Variants in RNF152 observed in about 807,000 individuals in gnomAD.
The protein encoded by RNF152 is ring finger protein 152, also known as E3 ubiquitin-protein ligase RNF152.
A neutral mutation model predicts 12.7 loss-of-function variants in RNF152; 11 were observed. The observed-to-expected ratio is 0.86, with a 90% CI of 0.54 to 1.43. The LOEUF is 1.43. RNF152 is among the 40% of genes most tolerant of loss of function. RNF152 has a pLI of 0.00. For synonymous variants in RNF152, 113 were observed against 120.3 expected, an observed-to-expected ratio of 0.94 and a Z score of 0.40; for missense variants, 255 against 274.8, an observed-to-expected ratio of 0.93 and a Z score of 0.51.
At chr18:61,863,633 T>C (rs1355435169) in intron 1 of RNF152, among the ~76,000 whole-genome samples, 2 of 152,180 alleles carry the variant, frequency 1.3e-5, no homozygotes, top group African/African-American at 4.8e-5. Flanking sequence ...TTTGTGCTTC[T>C]CAATCTTCAA....
At chr18:61,869,543 T>A (rs1203017185) in intron 1 of RNF152, among the ~76,000 whole-genome samples, 3 of 152,196 alleles carry the variant, frequency 2.0e-5, no homozygotes, top group Admixed American at 6.5e-5. Flanking sequence ...TTTGTGTTAT[T>A]TCCATTTGTT....
At chr18:61,841,354 C>G (rs1458787751) in intron 1 of RNF152, among the ~76,000 whole-genome samples, 1 of 152,136 alleles carries the variant, frequency 6.6e-6, no homozygotes, top group East Asian at 1.9e-4. Context: ...CACAAGGAAC[C>G]AATATTCATG....
chr18:61,816,400 G>A lies in RNF152; in HGVS notation c.64C>T (p.Arg22Trp), dbSNP rs767426822. 82 of 1,613,654 alleles carry A rather than the reference G, an allele frequency of 5.1e-5. No individual in the cohort carries two copies. The highest frequency in any genetic ancestry group is 1.6e-4 in the Middle Eastern group (1 of 6,080). The change falls in exon 2 of 2, where the codon CGG (arginine) becomes TGG (tryptophan). Residue 22 changes from arginine to tryptophan, a missense_variant. Transcript: ENST00000312828. ...CQICFNYYSP[R>W]RRPKLLDCKH... ...CAGTCCAGCAACTTGGGCCTGCGCC[G>A]GGGGCTGTAGTAATTGAAACAGATC...
At chr18:61,864,238 C>G (rs1026803033) in intron 1 of RNF152, among the ~76,000 whole-genome samples, 2 of 152,140 alleles carry the variant, frequency 1.3e-5, no homozygotes, top group Non-Finnish European at 2.9e-5. Flanking sequence ...AGCATAAGTC[C>G]CAGGCCTCCT....
At chr18:61,841,798 T>C (rs560420990) in intron 1 of RNF152, among the ~76,000 whole-genome samples, 1 of 152,214 alleles carries the variant, frequency 6.6e-6, no homozygotes, top group African/African-American at 2.4e-5. Context: ...AAATCACTAA[T>C]CCTGCTTTCA....
At chr18:61,817,545 C>T (rs901106557) in intron 1 of RNF152, among the ~76,000 whole-genome samples, 6 of 152,036 alleles carry the variant, frequency 3.9e-5, no homozygotes, top group East Asian at 3.9e-4. Context: ...CCCTGTATAC[C>T]GAGGGCCATC....
intron 1 of RNF152, among the ~76,000 whole-genome samples, chr18:61,872,851 C>G (rs922796121): frequency 2.6e-5 from 4 of 152,134 alleles, no homozygotes; most frequent in Non-Finnish European, 4.4e-5. Flanking sequence ...AATTAAAACT[C>G]TAAAATTTTT....
chr18:61,850,249 G>A (rs962607217), intron 1 of RNF152, among the ~76,000 whole-genome samples: 2 of 152,184 alleles, frequency 1.3e-5, no homozygotes, highest in African/African-American at 2.4e-5. Context: ...AAGAAAGCAC[G>A]ACCTCATACA....
chr18:61,879,435 G>A (rs1390364219), intron 1 of RNF152, among the ~76,000 whole-genome samples: 1 of 152,090 alleles, frequency 6.6e-6, no homozygotes, highest in Non-Finnish European at 1.5e-5. Flanking sequence ...GTTTCTAAGG[G>A]GGTTCCTGGA....
chr18:61,865,375 T>C (rs894182361), intron 1 of RNF152, among the ~76,000 whole-genome samples: 13 of 152,228 alleles, frequency 8.5e-5, no homozygotes, highest in Non-Finnish European at 4.4e-5. Context: ...GGTTTCATAA[T>C]GTTTAATTCA....
At chr18:61,833,078 T>C (rs1910025112) in intron 1 of RNF152, among the ~76,000 whole-genome samples, 1 of 152,248 alleles carries the variant, frequency 6.6e-6, no homozygotes, top group Non-Finnish European at 1.5e-5. Flanking sequence ...TCCTCAGCTG[T>C]ATCTACTAAA....
chr18:61,872,685 C>T (rs894967959), intron 1 of RNF152, among the ~76,000 whole-genome samples: 1 of 152,148 alleles, frequency 6.6e-6, no homozygotes, highest in African/African-American at 2.4e-5. Flanking sequence ...TCATTATTCT[C>T]TTCTTCCACA....
At chr18:61,850,123 AAAGACACGAGTCTGGAATCAAATGG>A (rs1350002119) in intron 1 of RNF152, among the ~76,000 whole-genome samples, 1 of 152,250 alleles carries the variant, frequency 6.6e-6, no homozygotes, top group East Asian at 1.9e-4. Flanking sequence ...GTAGTGTTGA[AAAGACACGAGTCTGGAATCAAATGG>A]AAGACCTTCC....
At chr18:61,837,494 GA>G (rs1340026843) in intron 1 of RNF152, among the ~76,000 whole-genome samples, 1 of 152,190 alleles carries the variant, frequency 6.6e-6, no homozygotes, top group African/African-American at 2.4e-5. Context: ...CTGCCAATAA[GA>G]TGAAATGTTA....
chr18:61,878,900 A>T (rs1912331731), intron 1 of RNF152, among the ~76,000 whole-genome samples: 1 of 152,214 alleles, frequency 6.6e-6, no homozygotes, highest in African/African-American at 2.4e-5. Context: ...CATACATTCA[A>T]ATGATAGCAG....
rs956697441 is a variant in RNF152 at position 61,815,603 on chromosome 18, T to C, written c.*249A>G. 4.0e-6 allele frequency: 2 copies of C among 501,488 alleles called. No homozygotes were observed. The highest frequency in any genetic ancestry group is 1.9e-5 in the African/African-American group (1 of 52,374). 31.1% of individuals were successfully genotyped at this position (501,488 alleles called of 1,614,324 possible). ...CATAAATTACAGTCCATTGAATACA[T>C]GATTATGAGGATGCATGCAATCATC... On this transcript the variant is annotated 3_prime_UTR_variant, in exon 2 of 2. Transcript: ENST00000312828.
intron 1 of RNF152, among the ~76,000 whole-genome samples, chr18:61,858,295 C>T (rs947053109): frequency 1.3e-5 from 2 of 152,044 alleles, no homozygotes; most frequent in South Asian, 2.1e-4. Flanking sequence ...TCCTGCCAGC[C>T]CCTCCCTCCC....
chr18:61,844,483 C>G (rs1442887354), intron 1 of RNF152, among the ~76,000 whole-genome samples: 1 of 152,176 alleles, frequency 6.6e-6, no homozygotes, highest in African/African-American at 2.4e-5. Context: ...TCCATTATGT[C>G]GATCTGGTGG....
chr18:61,863,295 C>T (rs1241514582), intron 1 of RNF152, among the ~76,000 whole-genome samples: 2 of 152,072 alleles, frequency 1.3e-5, no homozygotes, highest in Admixed American at 6.5e-5. Flanking sequence ...ATTAGCCAGG[C>T]GTGGTGACAC....
Sources: gnomAD v4.1 joint callset for allele counts (sites outside exome capture counted in the v4.1 genomes callset) on GRCh38, gnomAD v4.1.1 for gene constraint, MANE v1.5 for transcripts, NCBI Gene and HGNC (gene_info 2026-07-23, HGNC 2026-07-21) for gene names.